CACNA1C: variants seen among roughly 807,000 people sequenced by gnomAD.
CACNA1C encodes the protein voltage-dependent L-type calcium channel subunit alpha-1C.
A neutral mutation model predicts 229.0 loss-of-function variants in CACNA1C; 30 were observed. That is an observed-to-expected ratio of 0.13 (90% confidence interval 0.10 to 0.18). The LOEUF (loss-of-function observed/expected upper bound fraction) is 0.18. Ranked by LOEUF, CACNA1C falls within the 10% of genes least tolerant of loss-of-function variation. CACNA1C has a pLI of 1.00. For synonymous variants in CACNA1C, 1,114 were observed against 1,132.5 expected (o/e 0.98, Z 0.33); for missense variants, 1,658 against 2,845.0 (o/e 0.58, Z 9.49).
Position 2,654,881 on chromosome 12 carries a change from C to T in CACNA1C, c.4141-266C>T, listed in dbSNP as rs111681964. On this transcript the variant is annotated intron_variant, in intron 33 of 46. Coordinates refer to ENST00000399655, the MANE Select transcript of CACNA1C (RefSeq NM_000719.7). This position sits in a 1 kb window ranked among gnomAD's most constrained non-coding sequence, Gnocchi z 4.4. ...AGGATCCCGGTCCCAGCATCCACCG[C>T]TCTCAGCCCCAGCTCCCACTGGGCT... Among the ~76,000 whole-genome samples, 3 of 152,218 alleles carry T rather than the reference C, an allele frequency of 2.0e-5. No homozygotes were observed. Among genetic ancestry groups the T allele is most frequent in the Non-Finnish European group, 4.4e-5 (3 of 68,046 alleles).
At position 2,486,265 on chromosome 12, in the gene CACNA1C, AAG is replaced by A. The variant is rs1479498812; in HGVS notation, c.916+6_916+7del. ...CTACAACCAGGAGGGCATAGCAGGT[AAG>A]AGGGGCAGGCGGCTGCGCTCCCAAG... On this transcript the variant is annotated splice_donor_5th_base_variant and intron_variant, in intron 6 of 46. Transcript: ENST00000399655. This position sits in a 1 kb window ranked among gnomAD's most constrained non-coding sequence, Gnocchi z 4.9. 6.2e-7 allele frequency: 1 copy of A among 1,612,104 alleles called. No homozygotes were observed. Among genetic ancestry groups the A allele is most frequent in the African/African-American group, 1.3e-5 (1 of 74,884 alleles).
intron 8 of CACNA1C, among the ~76,000 whole-genome samples, chr12:2,507,345 A>T (rs1177403465): frequency 1.3e-5 from 2 of 151,978 alleles, no homozygotes; most frequent in African/African-American, 2.4e-5. Flanking sequence ...GCCTCTCCTC[A>T]TGTGTCAAGG....
chr12:2,035,044 A>T (rs1269094790), intron 1 of CACNA1C, among the ~76,000 whole-genome samples: 1 of 152,214 alleles, frequency 6.6e-6, no homozygotes, highest in African/African-American at 2.4e-5. Context: ...CAACCGCGAC[A>T]GCCCCGTCGT....
At chr12:1,983,219 T>C (rs1244044975) in intron 1 of CACNA1C, among the ~76,000 whole-genome samples, 2 of 136,146 alleles carry the variant, frequency 1.5e-5, no homozygotes, top group Non-Finnish European at 3.2e-5. Context: ...TAATTTTCTC[T>C]AAACAGTTTT....
chr12:2,392,029 T>G (rs1595040606), intron 3 of CACNA1C, among the ~76,000 whole-genome samples: 1 of 152,206 alleles, frequency 6.6e-6, no homozygotes, highest in East Asian at 1.9e-4. Context: ...TTCCTAATTC[T>G]GCCTTTTGGA....
At chr12:2,641,585 C>T in intron 30 of CACNA1C, 2 of 619,564 alleles carry the variant, frequency 3.2e-6, no homozygotes, top group Non-Finnish European at 2.9e-6. Flanking sequence ...GGCAACAGCC[C>T]CCACCCCCAA....
chr12:2,454,594 A>G (rs1439089450), intron 4 of CACNA1C, among the ~76,000 whole-genome samples: 1 of 152,176 alleles, frequency 6.6e-6, no homozygotes, highest in Non-Finnish European at 1.5e-5. Context: ...ACCCTAATCA[A>G]GTCCAACCAG....
At chr12:2,284,940 C>G (rs2092380372) in intron 3 of CACNA1C, among the ~76,000 whole-genome samples, 2 of 152,210 alleles carry the variant, frequency 1.3e-5, no homozygotes, top group African/African-American at 4.8e-5. Flanking sequence ...TGGGCCAGGG[C>G]CATGTGTCTC....
intron 9 of CACNA1C, among the ~76,000 whole-genome samples, chr12:2,549,640 G>C (rs1221376366): frequency 1.3e-5 from 2 of 152,196 alleles, no homozygotes; most frequent in Non-Finnish European, 2.9e-5. Flanking sequence ...CCACAGAGTG[G>C]AGAGGAGAGA....
chr12:2,461,315 A>G (rs2099499861), intron 5 of CACNA1C, among the ~76,000 whole-genome samples: 1 of 152,152 alleles, frequency 6.6e-6, no homozygotes. Flanking sequence ...CCCTTGGCAC[A>G]CTGCTCTTTC....
rs755513147 is a variant in CACNA1C at position 2,679,616 on chromosome 12, C to T, written c.5264C>T (p.Pro1755Leu). Residue 1755 changes from proline (P) to leucine (L), a missense_variant, in exon 42 of 47, where the codon CCG becomes CTG. Physicochemically the swap from Pro to Leu is moderately conservative, Grantham distance 98. Coordinates refer to ENST00000399655, the MANE Select transcript of CACNA1C (RefSeq NM_000719.7). This position sits in a 1 kb window ranked among gnomAD's most constrained non-coding sequence, Gnocchi z 5.5. ...HEKLVDSTFT[P>L]SSYSSTGSNA... ...AAGCTGGTGGACTCCACCTTCACCC[C>T]GAGCAGCTACTCGTCCACCGGCTCC... 18 of 1,613,876 alleles carry T rather than the reference C, an allele frequency of 1.1e-5. No homozygotes were observed. Among genetic ancestry groups the T allele is most frequent in the Non-Finnish European group, 1.4e-5 (17 of 1,179,850 alleles).
intron 18 of CACNA1C, among the ~76,000 whole-genome samples, chr12:2,589,224 A>G (rs942547062): frequency 6.6e-6 from 1 of 152,238 alleles, no homozygotes; most frequent in Admixed American, 6.5e-5. Context: ...TGGAACTGAC[A>G]TATCAGTGGG....
chr12:2,361,834 G>A lies in CACNA1C; in HGVS notation c.478-87142G>A, dbSNP rs1443942625. Among the ~76,000 whole-genome samples the A allele has an allele frequency of 3.3e-5, 5 of 152,240 alleles. No homozygotes were observed. The South Asian group carries it at 6.2e-4, about 19-fold the overall frequency. On this transcript the variant is annotated intron_variant, in intron 3 of 46. Coordinates refer to ENST00000399655, the MANE Select transcript of CACNA1C (RefSeq NM_000719.7). ...CAAAGGCAAAGGGTAGCCCTGATAA[G>A]CAAATGCCACTGCTGAGTTGCTCAG...
intron 3 of CACNA1C, among the ~76,000 whole-genome samples, chr12:2,315,752 G>A (rs143211542): frequency 6.0e-4 from 92 of 152,280 alleles, no homozygotes; most frequent in African/African-American, 2.1e-3. Context: ...TACAATTTCC[G>A]GAGCAAATGA....
chr12:2,604,796 C>G (rs764422677), intron 22 of CACNA1C, among the ~76,000 whole-genome samples: 13 of 152,316 alleles, frequency 8.5e-5, no homozygotes, highest in Admixed American at 8.5e-4. Flanking sequence ...ACTGTGAATG[C>G]CCCTGTGAGT....
At chr12:2,120,474 G>A (rs761729213) in intron 3 of CACNA1C, 44 bp downstream of exon 3, 3 of 1,076,698 alleles carry the variant, frequency 2.8e-6, no homozygotes, top group Non-Finnish European at 2.9e-6. Context: ...ACTCGATGGA[G>A]AACTGCGTTC....
rs777328471 is a variant in CACNA1C, at chr12:2,597,541, A to C, written c.2853+252A>C. ...GCATCCTCTGTCGCTTTCTTTGTCTATCTCTGCTCTGTGTGGCTGGATCTT... is the reference window on the plus strand; with the variant it reads ...GCATCCTCTGTCGCTTTCTTTGTCTCTCTCTGCTCTGTGTGGCTGGATCTT... On this transcript the variant is annotated intron_variant, in intron 21 of 46. Coordinates refer to ENST00000399655, the MANE Select transcript of CACNA1C (RefSeq NM_000719.7). This position sits in a 1 kb window ranked among gnomAD's most constrained non-coding sequence, Gnocchi z 4.3. The C allele has an allele frequency of 8.4e-7, 1 of 1,195,244 alleles. No homozygotes were observed. The highest frequency in any genetic ancestry group is 1.3e-6 in the Non-Finnish European group (1 of 798,202). The allele number at this position is 1,195,244 out of a possible 1,614,324, so 74.0% of individuals were successfully genotyped here. A position where few individuals can be genotyped will look rare whatever the true frequency, so the allele number is the denominator to read the frequency against.
At chr12:2,524,643 C>T (rs1018148732) in intron 9 of CACNA1C, among the ~76,000 whole-genome samples, 1 of 152,254 alleles carries the variant, frequency 6.6e-6, no homozygotes, top group East Asian at 1.9e-4. Context: ...CCCAAGGCTG[C>T]ACCCCTTTTG....
intron 3 of CACNA1C, among the ~76,000 whole-genome samples, chr12:2,127,590 G>A (rs946562118): frequency 6.6e-6 from 1 of 152,200 alleles, no homozygotes; most frequent in Non-Finnish European, 1.5e-5. Flanking sequence ...CCTGTGCTGT[G>A]TAGTGGGGTG....
Sources: gnomAD v4.1 joint callset for allele counts (sites outside exome capture counted in the v4.1 genomes callset) on GRCh38, gnomAD v4.1.1 for gene constraint, Gnocchi (gnomAD v3.1) non-coding constraint, MANE v1.5 for transcripts, NCBI Gene and HGNC (gene_info 2026-07-23, HGNC 2026-07-21) for gene names.